The following IQCH variants were observed in gnomAD, a reference collection of about 807,000 sequenced individuals.
IQCH encodes IQ motif containing H, also known as IQ domain-containing protein H.
A neutral mutation model predicts 117.0 loss-of-function variants in IQCH; 98 were observed. The observed-to-expected ratio is 0.84, with a 90% CI of 0.71 to 0.99. The LOEUF (loss-of-function observed/expected upper bound fraction) is 0.99. Ranked by LOEUF, IQCH falls within the 50% of genes least tolerant of loss-of-function variation. The pLI is 0.00. For synonymous variants in IQCH, 412 were observed against 448.2 expected (o/e 0.92, Z 1.02); for missense variants, 1,102 against 1,243.8 (o/e 0.89, Z 1.72).
At chr15:67,255,500 G>C (rs1965127595) in intron 1 of IQCH, among the ~76,000 whole-genome samples, 1 of 152,236 alleles carries the variant, frequency 6.6e-6, no homozygotes, top group African/African-American at 2.4e-5. Context: ...GAGGGGAAAT[G>C]TCAAGAAAGT....
rs187211223 is a variant in IQCH, at chr15:67,452,916, G to A, written c.2506-12211G>A. 4.5e-3 allele frequency among the ~76,000 whole-genome samples: 681 copies of A among 152,246 alleles called. 3 individuals are homozygous for A. The highest frequency in any genetic ancestry group is 0.013 in the African/African-American group (538 of 41,542). ...TAGTCCCATATTTTTTGGAGGCTTT[G>A]TTCATTTCTTTTTATTCTTTTTTCT... On this transcript the variant is annotated intron_variant, in intron 16 of 20. Coordinates refer to ENST00000335894, the MANE Select transcript of IQCH (RefSeq NM_001031715.3).
chr15:67,255,101 C>A, intron 1 of IQCH, 154 bp downstream of exon 1: 1 of 720,976 alleles, frequency 1.4e-6, no homozygotes, highest in Non-Finnish European at 2.5e-6. Context: ...CCACCCAGAC[C>A]TTCCCCCACG....
chr15:67,272,484 T>A (rs1270471470), intron 3 of IQCH, among the ~76,000 whole-genome samples: 4 of 152,218 alleles, frequency 2.6e-5, no homozygotes, highest in Non-Finnish European at 5.9e-5. Flanking sequence ...ATTGCTGATT[T>A]TCTGACTGGA....
Position 67,472,966 on chromosome 15 carries a change from ACTGGACAGTAAG to A in IQCH, c.2677-2727_2677-2716del, listed in dbSNP as rs1401678685. 6.6e-6 allele frequency among the ~76,000 whole-genome samples: 1 copy of A among 152,158 alleles called. No individual in the cohort carries two copies. Among genetic ancestry groups the A allele is most frequent in the Non-Finnish European group, 1.5e-5 (1 of 68,024 alleles). ...ACATGTTGTCTAGTAATCATGTACT[ACTGGACAGTAAG>A]CTCTTCTGCTGTGCTTTGGAGCCAA... is the stretch of plus-strand genomic sequence containing the variant. On this transcript the variant is annotated intron_variant, in intron 17 of 20. Coordinates refer to ENST00000335894, the MANE Select transcript of IQCH (RefSeq NM_001031715.3). The surrounding 1 kb of genome is among the most constrained non-coding windows in gnomAD (Gnocchi z 4.3).
rs146900386 is a variant in IQCH at position 67,309,682 on chromosome 15, C to G, written c.388-27293C>G. 6.5e-3 allele frequency among the ~76,000 whole-genome samples: 989 copies of G among 151,968 alleles called. 11 individuals carry two copies. The highest frequency in any genetic ancestry group is 0.023 in the African/African-American group (948 of 41,434). ...CTGTTGCAGCCTTGCCACTAACTAA[C>G]TAGTGTTTCCAAGAGCAGGTTACTC... is the stretch of plus-strand genomic sequence containing the variant. On this transcript the variant is annotated intron_variant, in intron 4 of 20. Coordinates refer to ENST00000335894, the MANE Select transcript of IQCH (RefSeq NM_001031715.3).
At chr15:67,409,925 C>A (rs1231672777) in intron 14 of IQCH, among the ~76,000 whole-genome samples, 2 of 152,210 alleles carry the variant, frequency 1.3e-5, no homozygotes, top group Admixed American at 6.5e-5. Context: ...AGTATTAAAG[C>A]AGTCCTTAAA....
chr15:67,318,216 C>T (rs1054639691), intron 4 of IQCH, among the ~76,000 whole-genome samples: 2 of 152,080 alleles, frequency 1.3e-5, no homozygotes, highest in Non-Finnish European at 2.9e-5. Context: ...TTCTTGCCTT[C>T]CTTTCCTTCC....
Position 67,393,641 on chromosome 15 carries a change from C to T in IQCH, c.1633-1650C>T, listed in dbSNP as rs1435536081. 6.6e-6 allele frequency among the ~76,000 whole-genome samples: 1 copy of T among 152,042 alleles called. No homozygotes were observed. On this transcript the variant is annotated intron_variant, in intron 12 of 20. Coordinates refer to ENST00000335894, the MANE Select transcript of IQCH (RefSeq NM_001031715.3). This position sits in a 1 kb window ranked among gnomAD's most constrained non-coding sequence, Gnocchi z 5.5. ...GCTCAAGCAATTCTCCTGCCTCAGG[C>T]TTTTAGTAGCTGGGACCACAGGTGT...
At chr15:67,258,092 G>A (rs1448830282) in intron 1 of IQCH, among the ~76,000 whole-genome samples, 9 of 151,952 alleles carry the variant, frequency 5.9e-5, no homozygotes, top group Admixed American at 4.6e-4. Context: ...TTAGCTAGGT[G>A]TGGTGGCAGG....
In IQCH at chr15:67,369,007, T is replaced by G. The variant is rs1416761714; in HGVS notation, c.754-3104T>G. Among the ~76,000 whole-genome samples the G allele has an allele frequency of 6.6e-6, 1 of 152,166 alleles. No homozygotes were observed. The highest frequency in any genetic ancestry group is 6.5e-5 in the Admixed American group (1 of 15,282). On this transcript the variant is annotated intron_variant, in intron 8 of 20. Coordinates refer to ENST00000335894, the MANE Select transcript of IQCH (RefSeq NM_001031715.3). The surrounding 1 kb of genome is among the most constrained non-coding windows in gnomAD (Gnocchi z 5.2). ...CTCAAGCAATCCTCTCACCTCAGCC[T>G]ACTGGGTAGCTAGGACTACAGCTGC... is the stretch of plus-strand genomic sequence containing the variant.
intron 4 of IQCH, among the ~76,000 whole-genome samples, chr15:67,299,280 T>C (rs1034888290): frequency 6.6e-6 from 1 of 151,596 alleles, no homozygotes; most frequent in African/African-American, 2.4e-5. Context: ...GGAAGGGTAG[T>C]GCGGGGCTTG....
In IQCH at chr15:67,344,065, A is replaced by C; in HGVS notation, c.511A>C (p.Ile171Leu). Residue 171 changes from isoleucine to leucine, a missense_variant and splice_region_variant, in exon 6 of 21, where the codon ATT becomes CTT. Around this residue, in one of 2 missense-constraint regions of IQCH, gnomAD observed 452 missense variants for 449.6 expected, o/e 1.01. Transcript: ENST00000335894. The stretch of plus-strand genomic sequence containing the variant: ...ATTTTATTAATGTTTCTTTTTAGGG[A>C]TTTTAAGTATGATAGAACGAGGGCT... ...PVLQADAHKG[I>L]LSMIERGLIP... is the part of the protein sequence containing the mutation. 1 of 1,611,306 alleles carries C rather than the reference A, an allele frequency of 6.2e-7. No individual in the cohort carries two copies. Among genetic ancestry groups the C allele is most frequent in the Non-Finnish European group, 8.5e-7 (1 of 1,178,622 alleles).
intron 4 of IQCH, among the ~76,000 whole-genome samples, chr15:67,311,143 T>A (rs1459421361): frequency 4.9e-4 from 75 of 152,098 alleles, no homozygotes; most frequent in Non-Finnish European, 6.2e-4. Context: ...GGAGTCAGGA[T>A]TCAAATTAAT....
At chr15:67,314,484 G>GAAAAAAAAA (rs11343033) in intron 4 of IQCH, among the ~76,000 whole-genome samples, 2 of 136,244 alleles carry the variant, frequency 1.5e-5, no homozygotes, top group African/African-American at 2.7e-5. Context: ...TGTGCTAAAT[G>GAAAAAAAAA]AAAAAAAAAA....
intron 4 of IQCH, among the ~76,000 whole-genome samples, chr15:67,316,270 G>A (rs1967841767): frequency 6.6e-6 from 1 of 152,162 alleles, no homozygotes; most frequent in Non-Finnish European, 1.5e-5. Context: ...GAGAGCAGTA[G>A]CATTGTCTTC....
At chr15:67,287,192 GCATTAATATTCAT>G (rs1334830489) in intron 4 of IQCH, among the ~76,000 whole-genome samples, 1 of 151,940 alleles carries the variant, frequency 6.6e-6, no homozygotes, top group Non-Finnish European at 1.5e-5. Flanking sequence ...TGAGATTTTT[GCATTAATATTCAT>G]CAGGGATATT....
In IQCH at chr15:67,422,057, C is replaced by A. The variant is rs1008997302; in HGVS notation, c.2505+480C>A. Among the ~76,000 whole-genome samples, 4 of 151,494 alleles carry A rather than the reference C, an allele frequency of 2.6e-5. No individual in the cohort carries two copies. Among genetic ancestry groups the A allele is most frequent in the Non-Finnish European group, 4.4e-5 (3 of 67,956 alleles). ...GAGGTTGCAATGAGCCGAGATCATGCTACTACACTCCAGCCTGGGTGACAG... is the reference window on the plus strand; with the variant it reads ...GAGGTTGCAATGAGCCGAGATCATGATACTACACTCCAGCCTGGGTGACAG... On this transcript the variant is annotated intron_variant, in intron 16 of 20. Coordinates refer to ENST00000335894, the MANE Select transcript of IQCH (RefSeq NM_001031715.3). This position sits in a 1 kb window ranked among gnomAD's most constrained non-coding sequence, Gnocchi z 4.7.
At chr15:67,484,105 TA>T (rs58047980) in intron 18 of IQCH, among the ~76,000 whole-genome samples, 23,293 of 152,014 alleles carry the variant, frequency 0.15, 2,178 homozygotes, top group African/African-American at 0.26. Context: ...CAGCAACAGC[TA>T]AAATCAACTC....
intron 1 of IQCH, 57 bp downstream of exon 1, chr15:67,255,004 G>A: frequency 1.3e-6 from 2 of 1,542,700 alleles, no homozygotes; most frequent in Non-Finnish European, 1.8e-6. Context: ...TTCCGAGCGA[G>A]GTCCCGCGCG....
Sources: gnomAD v4.1 joint callset for allele counts (sites outside exome capture counted in the v4.1 genomes callset) on GRCh38, gnomAD v4.1.1 for gene constraint, gnomAD v4.1.1 regional missense constraint, Gnocchi (gnomAD v3.1) non-coding constraint, MANE v1.5 for transcripts, NCBI Gene and HGNC (gene_info 2026-07-23, HGNC 2026-07-21) for gene names.